TCF20: variants seen among roughly 807,000 people sequenced by gnomAD.
TCF20 encodes transcription factor 20.
In TCF20, 3 loss-of-function variants were observed where a neutral mutation model predicts 148.6. That is an observed-to-expected ratio of 0.02 (90% CI 0.01 to 0.05). The LOEUF is 0.05. Ranked by LOEUF, TCF20 falls within the 10% of genes least tolerant of loss-of-function variation. TCF20 has a pLI of 1.00. For synonymous variants in TCF20, 1,049 were observed against 909.5 expected, an observed-to-expected ratio of 1.15 and a Z score of -2.76; for missense variants, 2,350 against 2,429.3, an observed-to-expected ratio of 0.97 and a Z score of 0.69.
chr22:42,207,261 C>A (rs1478771614), intron 2 of TCF20, among the ~76,000 whole-genome samples: 2 of 152,132 alleles, frequency 1.3e-5, no homozygotes, highest in Admixed American at 1.3e-4. Flanking sequence ...CCCACACAAC[C>A]CTACCATCCT....
At chr22:42,168,873 G>T in intron 4 of TCF20, 137 bp from the exon 5 acceptor site, 1 of 1,192,302 alleles carries the variant, frequency 8.4e-7, no homozygotes, top group Non-Finnish European at 1.1e-6. Flanking sequence ...ACAAACAGGA[G>T]ACATTCAGAC....
intron 2 of TCF20, among the ~76,000 whole-genome samples, chr22:42,196,100 T>C (rs1456449609): frequency 6.6e-6 from 1 of 152,226 alleles, no homozygotes; most frequent in East Asian, 1.9e-4. Context: ...CTGTTGGGTC[T>C]GTGTAACCTG....
At position 42,242,227 on chromosome 22, in the gene TCF20, A is replaced by AAAAAAAAAAAAAAAAAAAAT. The variant is rs1491280192; in HGVS notation, c.-36-26887_-36-26886insATTTTTTTTTTTTTTTTTTT. The stretch of plus-strand genomic sequence containing the variant: ...CAAAAAAAAAAAAAAAAAAAAAAAA[A>AAAAAAAAAAAAAAAAAAAAT]CAGAAAAGAAAGGGTGACTACAAGG... On this transcript the variant is annotated intron_variant, in intron 1 of 5. Transcript: ENST00000677622. Among the ~76,000 whole-genome samples, 61 of 122,744 alleles carry AAAAAAAAAAAAAAAAAAAAT rather than the reference A, an allele frequency of 5.0e-4. 7 individuals carry two copies. The highest frequency in any genetic ancestry group is 6.7e-4 in the Non-Finnish European group (39 of 57,904). 80.5% of individuals were successfully genotyped at this position (122,744 alleles called of 152,430 possible). A position where few individuals can be genotyped will look rare whatever the true frequency, so the allele number is the denominator to read the frequency against.
At chr22:42,171,442 C>A (rs1371758000) in intron 3 of TCF20, among the ~76,000 whole-genome samples, 4 of 152,050 alleles carry the variant, frequency 2.6e-5, no homozygotes, top group Admixed American at 2.6e-4. Flanking sequence ...TAAAACAAAT[C>A]AAAAAGACCC....
In TCF20 at chr22:42,168,721, G is replaced by T. The variant is rs374553890; in HGVS notation, c.5815C>A (p.Pro1939Thr). 1 of 1,610,500 alleles carries T rather than the reference G, an allele frequency of 6.2e-7. No homozygotes were observed. The highest frequency in any genetic ancestry group is 1.3e-5 in the African/African-American group (1 of 74,928). Reference sequence around the variant, plus strand: ...GTCTTGTTCTGCAAGGGGGGGAGAGGGCACGGAAGGGGAGGCTGACACGGG... The same window carrying T: ...GTCTTGTTCTGCAAGGGGGGGAGAGTGCACGGAAGGGGAGGCTGACACGGG... Reference protein sequence around the residue: ...CPKHKPPLPCPLPPLQNKTAK... With the variant: ...CPKHKPPLPCTLPPLQNKTAK... The change falls in exon 5 of 6, where the codon CCT becomes ACT. Residue 1939 changes from proline to threonine, a missense_variant. Around this residue, in one of 7 missense-constraint regions of TCF20, gnomAD observed 67 missense variants for 60.8 expected, o/e 1.10. Transcript: ENST00000677622.
chr22:42,307,027 A>G (rs11913451), intron 1 of TCF20, among the ~76,000 whole-genome samples: 1,732 of 145,516 alleles, frequency 0.012, 24 homozygotes, highest in African/African-American at 0.042. Flanking sequence ...TGACAGAGCA[A>G]GACTCTGTCT....
chr22:42,311,553 C>T (rs1927537029), intron 1 of TCF20, among the ~76,000 whole-genome samples: 2 of 152,324 alleles, frequency 1.3e-5, no homozygotes, highest in Non-Finnish European at 1.5e-5. Context: ...AGGGGCCACA[C>T]CACCATCATA....
chr22:42,170,035 AC>A (rs1936027450), intron 3 of TCF20, 139 bp from the exon 4 acceptor site: 1 of 729,558 alleles, frequency 1.4e-6, no homozygotes. Flanking sequence ...ATTAGAGACA[AC>A]CCAAGTAAGC....
chr22:42,204,106 T>C (rs1209210584), intron 2 of TCF20, among the ~76,000 whole-genome samples: 1 of 152,246 alleles, frequency 6.6e-6, no homozygotes, highest in Non-Finnish European at 1.5e-5. Context: ...AAATCATGTT[T>C]TCCATCACAA....
intron 1 of TCF20, among the ~76,000 whole-genome samples, chr22:42,327,438 G>C (rs1045127899): frequency 6.6e-6 from 1 of 152,140 alleles, no homozygotes; most frequent in East Asian, 1.9e-4. Context: ...CAGGGCACAG[G>C]CCTCTCCACC....
rs1922054817 is a variant in TCF20 at position 42,218,806 on chromosome 22, CCTT to C, written c.-36-3468_-36-3466del. ...AGGGAAAACAGATACAGGAAGGACT[CCTT>C]CTTAGGTCTGTTCTCAGCCTTCCCC... On this transcript the variant is annotated intron_variant, in intron 1 of 5. Transcript: ENST00000677622. Among the ~76,000 whole-genome samples the C allele has an allele frequency of 8.9e-5, 13 of 146,168 alleles. No homozygotes were observed. The South Asian group carries it at 2.8e-3, about 32-fold the overall frequency.
At chr22:42,287,460 C>T (rs1487181240), upstream of TCF20, among the ~76,000 whole-genome samples, 3 of 152,212 alleles carry the variant, frequency 2.0e-5, no homozygotes, top group African/African-American at 4.8e-5. Flanking sequence ...AGAGCCTAGG[C>T]TTTTAACCAA....
intron 1 of TCF20, chr22:42,276,250 TAA>T (rs1332528953): frequency 1.3e-5 from 2 of 152,236 alleles, no homozygotes; most frequent in African/African-American, 2.4e-5. Context: ...GCAGCCATGA[TAA>T]CGGCCACTAC....
At chr22:42,162,229 G>A (rs771429412) in intron 5 of TCF20, among the ~76,000 whole-genome samples, 6 of 151,860 alleles carry the variant, frequency 4.0e-5, no homozygotes, top group South Asian at 2.1e-4. Flanking sequence ...TGCCCACCTC[G>A]GCCTCCCAAA....
At chr22:42,172,222 C>A (rs989430781) in intron 3 of TCF20, among the ~76,000 whole-genome samples, 6 of 152,198 alleles carry the variant, frequency 3.9e-5, no homozygotes, top group African/African-American at 7.2e-5. Flanking sequence ...ACGTTCCTGG[C>A]AGGGGCCAGA....
intron 1 of TCF20, among the ~76,000 whole-genome samples, chr22:42,235,050 G>A (rs1601636033): frequency 6.6e-6 from 1 of 151,128 alleles, no homozygotes; most frequent in South Asian, 2.1e-4. Context: ...GCTGAGGCAG[G>A]AGAATTGCTT....
At chr22:42,229,717 T>C (rs565140815) in intron 1 of TCF20, among the ~76,000 whole-genome samples, 2 of 152,298 alleles carry the variant, frequency 1.3e-5, no homozygotes, top group South Asian at 4.1e-4. Flanking sequence ...CCAAAACACT[T>C]TCCAAATCTG....
rs1010538174 is a variant in TCF20 at position 42,192,869 on chromosome 22, C to T, written c.5656-13167G>A. 5.9e-5 allele frequency among the ~76,000 whole-genome samples: 9 copies of T among 152,300 alleles called. No homozygotes were observed. The South Asian group carries it at 1.2e-3, about 21-fold the overall frequency. ...CTTTGGCACCCAAATCTGTGACTAG[C>T]TTATGAACCTTCAGTTTTCAGAATT... On this transcript the variant is annotated intron_variant, in intron 2 of 5. Transcript: ENST00000677622.
chr22:42,166,078 C>T (rs1357612354), intron 5 of TCF20, among the ~76,000 whole-genome samples: 5 of 152,192 alleles, frequency 3.3e-5, no homozygotes, highest in South Asian at 2.1e-4. Flanking sequence ...AAATGAAGGA[C>T]GGTGACCACC....
Sources: allele counts gnomAD v4.1 joint callset (sites outside exome capture counted in the v4.1 genomes callset), GRCh38; gene constraint gnomAD v4.1.1; regional missense constraint gnomAD v4.1.1; transcripts MANE v1.5; gene names NCBI Gene and HGNC (gene_info 2026-07-23, HGNC 2026-07-21).